MS4A2: variants seen among roughly 807,000 people sequenced by gnomAD.
MS4A2 encodes the protein high affinity immunoglobulin epsilon receptor subunit beta.
A neutral mutation model predicts 27.9 loss-of-function variants in MS4A2; 26 were observed. That is an observed-to-expected ratio of 0.93 (90% CI 0.68 to 1.29). The LOEUF (loss-of-function observed/expected upper bound fraction) is 1.29. Among genes scored for constraint, MS4A2 ranks in the 50% most tolerant of loss-of-function variants. MS4A2 has a pLI of 0.00. For missense variants in MS4A2, 284 were observed against 284.6 expected (o/e 1.00, Z 0.01); for synonymous variants, 110 against 98.8 (o/e 1.11, Z -0.67).
intron 1 of MS4A2, 73 bp downstream of exon 1, chr11:60,088,894 G>A (rs755348387): frequency 2.0e-5 from 29 of 1,438,080 alleles, no homozygotes; most frequent in Admixed American, 5.6e-5. Context: ...ACGGTGCTTA[G>A]GAGATGAAAC....
At chr11:60,088,598 C>G, upstream of MS4A2, 1 of 1,454,974 alleles carries the variant, frequency 6.9e-7, no homozygotes. Context: ...TGATCTTAAT[C>G]AGCCAAGAAA....
chr11:60,088,728 A>C lies in MS4A2; in HGVS notation c.-38A>C. 1 of 1,596,416 alleles carries C rather than the reference A, an allele frequency of 6.3e-7. No homozygotes were observed. Among genetic ancestry groups the C allele is most frequent in the Non-Finnish European group, 8.6e-7 (1 of 1,169,126 alleles). On this transcript the variant is annotated 5_prime_UTR_variant, in exon 1 of 7. Coordinates refer to ENST00000278888, the MANE Select transcript of MS4A2 (RefSeq NM_000139.5). ...GAAATCCACCAAGTCTCAATATAATAATATTCTTTATTCCTGGACAGCTCG... is the reference window on the plus strand; with the variant it reads ...GAAATCCACCAAGTCTCAATATAATCATATTCTTTATTCCTGGACAGCTCG...
In MS4A2 at chr11:60,089,789, A is replaced by G. The variant is rs531211924; in HGVS notation, c.154A>G (p.Thr52Ala). 1.9e-5 allele frequency: 31 copies of G among 1,614,152 alleles called. No homozygotes were observed. The South Asian group carries it at 3.4e-4, about 18-fold the overall frequency. ...ASSPPLHTWLTVLKKEQEFLG... is the reference protein window; with the variant it reads ...ASSPPLHTWLAVLKKEQEFLG... ...ATCCCCACCACTGCATACATGGCTG[A>G]CAGTTTTGAAAAAAGAGCAGGAGTT... Residue 52 changes from threonine to alanine, a missense_variant, in exon 2 of 7, where the codon ACA (threonine) becomes GCA (alanine). Physicochemically the swap from Thr to Ala is moderately conservative, Grantham distance 58. Coordinates refer to ENST00000278888, the MANE Select transcript of MS4A2 (RefSeq NM_000139.5).
At chr11:60,092,048 G>A (rs937112982) in intron 3 of MS4A2, among the ~76,000 whole-genome samples, 6 of 151,814 alleles carry the variant, frequency 4.0e-5, no homozygotes, top group African/African-American at 7.3e-5. Flanking sequence ...CCACAGACAC[G>A]TGTTTCTTGC....
rs761022290 is a variant in MS4A2, at chr11:60,093,417, A to C, written c.396A>C (p.Gly132=). ...NATYLVRGSL[G]ANTASSIAGG... is the part of the protein sequence containing the mutation. The stretch of plus-strand genomic sequence containing the variant: ...ATTATCAGGTGAGAGGAAGCCTGGG[A>C]GCAAACACTGCCAGCAGCATAGCTG... The change falls in exon 5 of 7, where the codon GGA becomes GGC. Residue 132 remains glycine, a synonymous_variant. Transcript: ENST00000278888. The C allele has an allele frequency of 2.0e-4, 322 of 1,614,096 alleles. No homozygotes were observed. The highest frequency in any genetic ancestry group is 4.9e-4 in the Middle Eastern group (3 of 6,084).
intron 3 of MS4A2, 110 bp downstream of exon 3, chr11:60,090,580 T>A: frequency 1.1e-5 from 11 of 966,758 alleles, no homozygotes; most frequent in Non-Finnish European, 1.5e-5. Context: ...TTTATAATTC[T>A]TAATTATAAA....
chr11:60,089,192 A>T (rs1855711413), intron 1 of MS4A2, among the ~76,000 whole-genome samples: 2 of 152,168 alleles, frequency 1.3e-5, no homozygotes, highest in Admixed American at 6.5e-5. Flanking sequence ...CTGCTTCTTG[A>T]TTGGTCTTTA....
intron 1 of MS4A2, among the ~76,000 whole-genome samples, chr11:60,089,304 G>T (rs961119847): frequency 2.6e-5 from 4 of 152,212 alleles, no homozygotes; most frequent in African/African-American, 9.6e-5. Flanking sequence ...TGCACATGAA[G>T]TTGGGGTTTG....
intron 4 of MS4A2, 126 bp from the exon 5 acceptor site, chr11:60,093,274 C>A: frequency 7.8e-7 from 1 of 1,277,464 alleles, no homozygotes; most frequent in South Asian, 1.3e-5. Context: ...CAGGGTTTCC[C>A]TTTTTAACCA....
At chr11:60,091,345 A>T (rs114637546) in intron 3 of MS4A2, among the ~76,000 whole-genome samples, 96 of 152,318 alleles carry the variant, frequency 6.3e-4, no homozygotes, top group African/African-American at 2.1e-3. Context: ...TGAGTGAGAT[A>T]ATAAGGTATA....
intron 2 of MS4A2, 102 bp downstream of exon 2, chr11:60,089,923 T>C (rs2134691749): frequency 6.8e-7 from 1 of 1,460,080 alleles, no homozygotes. Context: ...TGAGAGGTGT[T>C]AGGTCCTTTA....
In MS4A2 at chr11:60,089,773, A is replaced by G; in HGVS notation, c.138A>G (p.Pro46=). ...TATTGAAGTCGGCCTCATCCCCACC[A>G]CTGCATACATGGCTGACAGTTTTGA... is the stretch of plus-strand genomic sequence containing the variant. ...GRLLKSASSP[P]LHTWLTVLKK... is the part of the protein sequence containing the mutation. The change falls in exon 2 of 7, where the codon CCA becomes CCG. Residue 46 remains proline (P), a synonymous_variant. Coordinates refer to ENST00000278888, the MANE Select transcript of MS4A2 (RefSeq NM_000139.5). The G allele has an allele frequency of 6.2e-7, 1 of 1,614,034 alleles. No individual in the cohort carries two copies. Among genetic ancestry groups the G allele is most frequent in the Non-Finnish European group, 8.5e-7 (1 of 1,179,990 alleles).
chr11:60,095,498 G>A (rs935030616), intron 6 of MS4A2, 60 bp from the exon 7 acceptor site: 11 of 1,077,740 alleles, frequency 1.0e-5, no homozygotes, highest in African/African-American at 3.1e-5. Context: ...TCTCTTGAGC[G>A]AGACTTCTAG....
chr11:60,092,387 C>T (rs1029423779), intron 3 of MS4A2, among the ~76,000 whole-genome samples: 5 of 151,676 alleles, frequency 3.3e-5, no homozygotes, highest in African/African-American at 1.2e-4. Flanking sequence ...CCTCTGCCTC[C>T]CGGGTTCAAG....
intron 3 of MS4A2, among the ~76,000 whole-genome samples, chr11:60,091,268 A>G (rs1855754142): frequency 1.3e-5 from 2 of 152,326 alleles, no homozygotes; most frequent in South Asian, 4.1e-4. Flanking sequence ...TATGCCCTAG[A>G]AACTCTTTTA....
intron 3 of MS4A2, 137 bp downstream of exon 3, chr11:60,090,607 A>G (rs1855742909): frequency 4.0e-6 from 3 of 752,470 alleles, no homozygotes; most frequent in African/African-American, 3.5e-5. Context: ...GTGAGCATAT[A>G]TAACATAGAT....
upstream of MS4A2, chr11:60,088,536 CTTTA>C (rs1443618821): frequency 1.6e-6 from 2 of 1,226,418 alleles, no homozygotes; most frequent in African/African-American, 1.5e-5. Context: ...TCATATTAGT[CTTTA>C]TTTAGTAGAC....
chr11:60,092,941 T>C (rs1217661679), intron 4 of MS4A2, 93 bp downstream of exon 4: 1 of 1,225,738 alleles, frequency 8.2e-7, no homozygotes, highest in African/African-American at 1.5e-5. Flanking sequence ...TTGTCTCCTA[T>C]ATTACTTGTG....
chr11:60,095,367 T>G (rs755346273), intron 6 of MS4A2, among the ~76,000 whole-genome samples, 191 bp from the exon 7 acceptor site: 13 of 152,216 alleles, frequency 8.5e-5, no homozygotes, highest in Non-Finnish European at 1.3e-4. Flanking sequence ...TTGACTGACA[T>G]GATTTCTTTT....
Sources: gnomAD v4.1 joint callset for allele counts (sites outside exome capture counted in the v4.1 genomes callset) on GRCh38, gnomAD v4.1.1 for gene constraint, MANE v1.5 for transcripts, NCBI Gene and HGNC (gene_info 2026-07-23, HGNC 2026-07-21) for gene names.